Variants in KATNAL2 observed in about 807,000 individuals in gnomAD.
The protein encoded by KATNAL2 is katanin p60 ATPase-containing subunit A-like 2.
KATNAL2 carries 52 observed loss-of-function variants against 76.3 expected under a neutral mutation model. The observed-to-expected ratio is 0.68, with a 90% CI of 0.55 to 0.86. The LOEUF is 0.86. Among genes scored for constraint, KATNAL2 ranks in the 40% least tolerant of loss-of-function variants. The pLI, the probability that KATNAL2 is intolerant of heterozygous loss-of-function variation, is 0.00. For synonymous variants in KATNAL2, 243 were observed against 244.2 expected (o/e 1.00, Z 0.05); for missense variants, 660 against 668.9 (o/e 0.99, Z 0.15).
intron 3 of KATNAL2, among the ~76,000 whole-genome samples, chr18:47,036,036 T>C (rs1330243980): frequency 6.6e-6 from 1 of 152,202 alleles, no homozygotes; most frequent in Non-Finnish European, 1.5e-5. Flanking sequence ...TCGAGCACTG[T>C]CTTGACCCCG....
intron 3 of KATNAL2, among the ~76,000 whole-genome samples, chr18:46,956,639 T>C (rs1463043114): frequency 2.0e-5 from 3 of 152,222 alleles, no homozygotes; most frequent in African/African-American, 7.2e-5. Context: ...GTAGGCTCCT[T>C]AAGAGCAAGA....
At chr18:46,965,658 G>A (rs1401188665) in intron 3 of KATNAL2, among the ~76,000 whole-genome samples, 1 of 99,436 alleles carries the variant, frequency 1.0e-5, no homozygotes, top group African/African-American at 3.9e-5. Flanking sequence ...CTGGAGCACT[G>A]CCACCTCTTG....
At chr18:47,099,933 T>A (rs1370566384) in intron 16 of KATNAL2, among the ~76,000 whole-genome samples, 1 of 152,190 alleles carries the variant, frequency 6.6e-6, no homozygotes, top group Admixed American at 6.5e-5. Flanking sequence ...AGAATAAACG[T>A]GCCTACCAAA....
intron 10 of KATNAL2, 129 bp from the exon 11 acceptor site, chr18:47,066,892 T>TATATAA (rs1292637193): frequency 6.8e-6 from 1 of 146,020 alleles, no homozygotes; most frequent in Non-Finnish European, 1.4e-5. Flanking sequence ...TATATATATA[T>TATATAA]AATATGAACA....
At chr18:47,032,417 T>C (rs1416238479) in intron 3 of KATNAL2, among the ~76,000 whole-genome samples, 2 of 152,138 alleles carry the variant, frequency 1.3e-5, no homozygotes, top group East Asian at 3.9e-4. Context: ...CAGGCTAGTT[T>C]TGATATCTTT....
intron 15 of KATNAL2, among the ~76,000 whole-genome samples, chr18:47,091,563 C>T (rs1281129807): frequency 6.6e-6 from 1 of 152,174 alleles, no homozygotes; most frequent in Non-Finnish European, 1.5e-5. Flanking sequence ...TTCGTTTCCT[C>T]CCTTGTATAT....
At chr18:46,929,965 G>T (rs1264408654) in intron 1 of KATNAL2, among the ~76,000 whole-genome samples, 2 of 152,050 alleles carry the variant, frequency 1.3e-5, no homozygotes, top group African/African-American at 4.8e-5. Flanking sequence ...AGTGGAGACA[G>T]TGTTTCACCA....
intron 3 of KATNAL2, chr18:47,033,638 C>T (rs746916831): frequency 9.9e-6 from 16 of 1,614,200 alleles, no homozygotes; most frequent in South Asian, 4.4e-5. Context: ...TCGCTGAGGG[C>T]GTCCGGATTG....
chr18:47,088,578 A>G (rs895536997), intron 15 of KATNAL2, among the ~76,000 whole-genome samples: 1 of 152,068 alleles, frequency 6.6e-6, no homozygotes, highest in African/African-American at 2.4e-5. Context: ...TAATTAATAA[A>G]TTTATTCATT....
chr18:47,062,878 G>A, intron 8 of KATNAL2, 94 bp from the exon 9 acceptor site: 1 of 894,914 alleles, frequency 1.1e-6, no homozygotes, highest in Non-Finnish European at 1.7e-6. Context: ...ATATACCAGG[G>A]TCTATAAATG....
intron 3 of KATNAL2, among the ~76,000 whole-genome samples, chr18:46,950,939 C>T (rs1187429895): frequency 6.6e-6 from 1 of 152,190 alleles, no homozygotes; most frequent in Non-Finnish European, 1.5e-5. Context: ...CTGCCTCGGC[C>T]TCCCAAAGTG....
intron 15 of KATNAL2, chr18:47,084,492 G>A: frequency 1.5e-6 from 1 of 681,054 alleles, no homozygotes; most frequent in South Asian, 1.6e-5. Context: ...GGTATGTTCA[G>A]GAGATACCAA....
At chr18:47,046,694 A>G (rs1435957487) in intron 4 of KATNAL2, among the ~76,000 whole-genome samples, 167 bp downstream of exon 4, 1 of 152,108 alleles carries the variant, frequency 6.6e-6, no homozygotes, top group Non-Finnish European at 1.5e-5. Context: ...TCCCTTTTCC[A>G]GTTTCCTCTC....
At chr18:46,935,285 G>A (rs1203477889) in intron 1 of KATNAL2, among the ~76,000 whole-genome samples, 2 of 152,148 alleles carry the variant, frequency 1.3e-5, no homozygotes, top group Non-Finnish European at 2.9e-5. Context: ...ACTTAGGGCC[G>A]CAACACCCAC....
intron 3 of KATNAL2, among the ~76,000 whole-genome samples, chr18:46,958,632 C>A (rs764294361): frequency 2.6e-5 from 4 of 152,050 alleles, no homozygotes; most frequent in Non-Finnish European, 5.9e-5. Flanking sequence ...TCTCCAACTC[C>A]GTTTTAAATT....
rs75548014 is a variant in KATNAL2 at position 47,073,757 on chromosome 18, C to T, written c.1009-1520C>T. 3.7e-4 allele frequency among the ~76,000 whole-genome samples: 56 copies of T among 152,276 alleles called. 1 individual carries two copies. The East Asian group carries it at 8.3e-3, about 23-fold the overall frequency. On this transcript the variant is annotated intron_variant, in intron 13 of 17. Transcript: ENST00000683218. The stretch of plus-strand genomic sequence containing the variant: ...TTGATGCTTACATCTTTCAATGCAC[C>T]GCCCCCCAGTTGTATGATTTAACTT...
At chr18:46,920,342 T>A (rs2058466572) in intron 1 of KATNAL2, among the ~76,000 whole-genome samples, 1 of 152,192 alleles carries the variant, frequency 6.6e-6, no homozygotes, top group Admixed American at 6.5e-5. Context: ...AGGACATTTA[T>A]TCAGTGATTA....
At chr18:46,951,409 A>AT (rs57801829) in intron 3 of KATNAL2, among the ~76,000 whole-genome samples, 4 of 137,216 alleles carry the variant, frequency 2.9e-5, no homozygotes, top group East Asian at 2.1e-4. Context: ...TCTAAGTCTG[A>AT]TTTTTTTTTT....
intron 3 of KATNAL2, among the ~76,000 whole-genome samples, chr18:46,954,883 C>T (rs2059677763): frequency 6.6e-6 from 1 of 151,744 alleles, no homozygotes; most frequent in Non-Finnish European, 1.5e-5. Context: ...GAGCTCCTGA[C>T]CTCAAGTGAT....
Sources: gnomAD v4.1 joint callset for allele counts (sites outside exome capture counted in the v4.1 genomes callset) on GRCh38, gnomAD v4.1.1 for gene constraint, MANE v1.5 for transcripts, NCBI Gene and HGNC (gene_info 2026-07-23, HGNC 2026-07-21) for gene names.